SMCHD1: variants seen among roughly 807,000 people sequenced by gnomAD.
SMCHD1 encodes structural maintenance of chromosomes flexible hinge domain containing 1.
Under a neutral mutation model 254.7 loss-of-function variants are expected in SMCHD1, and 78 were observed. The ratio of observed to expected loss-of-function variants is 0.31; its 90% CI spans 0.26 to 0.37. The LOEUF is 0.37. SMCHD1 is among the 10% of genes least tolerant of loss of function. The pLI, the probability that SMCHD1 is intolerant of heterozygous loss-of-function variation, is 1.00. For synonymous variants in SMCHD1, 766 were observed against 794.9 expected, an observed-to-expected ratio of 0.96 and a Z score of 0.61; for missense variants, 1,840 against 2,408.1, an observed-to-expected ratio of 0.76 and a Z score of 4.94.
chr18:2,662,180 A>AGAT (rs1555624074), intron 1 of SMCHD1, among the ~76,000 whole-genome samples: 1 of 89,884 alleles, frequency 1.1e-5, no homozygotes, highest in African/African-American at 6.2e-5. Flanking sequence ...AAAAAAAAAT[A>AGAT]AAATAAATAA....
At chr18:2,775,673 A>G (rs1041623130) in intron 41 of SMCHD1, 61 bp from the exon 42 acceptor site, 3 of 1,449,356 alleles carry the variant, frequency 2.1e-6, no homozygotes, top group South Asian at 1.3e-5. Flanking sequence ...GGCTTTTAAC[A>G]TAATATCAAA....
intron 7 of SMCHD1, among the ~76,000 whole-genome samples, chr18:2,690,276 G>A (rs1293523944): frequency 1.3e-5 from 2 of 152,022 alleles, no homozygotes; most frequent in Admixed American, 6.5e-5. Flanking sequence ...GATACACAAT[G>A]GTTTTTAGTA....
chr18:2,733,992 C>T (rs1893123), intron 25 of SMCHD1, among the ~76,000 whole-genome samples: 88,512 of 152,014 alleles, frequency 0.58, 26,196 homozygotes, highest in East Asian at 0.81. Context: ...AGTTGCTCTT[C>T]CATACCGGTA....
At chr18:2,779,054 T>C (rs925849003) in intron 44 of SMCHD1, 1 of 152,206 alleles carries the variant, frequency 6.6e-6, no homozygotes, top group Non-Finnish European at 1.5e-5. Context: ...TTGACTGGTC[T>C]TGTAAAAAGT....
intron 40 of SMCHD1, 127 bp from the exon 41 acceptor site, chr18:2,772,120 TTAA>T (rs1163437539): frequency 2.9e-6 from 2 of 684,132 alleles, no homozygotes; most frequent in Non-Finnish European, 4.1e-6. Context: ...AGTTTTTTTT[TTAA>T]TAATGCCTAC....
At chr18:2,746,440 T>C (rs2075454363) in intron 29 of SMCHD1, among the ~76,000 whole-genome samples, 1 of 152,200 alleles carries the variant, frequency 6.6e-6, no homozygotes, top group African/African-American at 2.4e-5. Flanking sequence ...TGATTAGGAA[T>C]GAAATACTGT....
intron 9 of SMCHD1, among the ~76,000 whole-genome samples, chr18:2,697,499 C>G (rs1184440019): frequency 1.3e-5 from 2 of 152,186 alleles, no homozygotes; most frequent in African/African-American, 4.8e-5. Context: ...GATTCTCAAT[C>G]CTCTAACCCA....
chr18:2,762,898 A>G (rs546935173), intron 36 of SMCHD1, among the ~76,000 whole-genome samples: 1 of 152,374 alleles, frequency 6.6e-6, no homozygotes, highest in South Asian at 2.1e-4. Context: ...ACTGAAGGAC[A>G]TAAGTATTTT....
intron 5 of SMCHD1, among the ~76,000 whole-genome samples, chr18:2,685,035 TG>T (rs2074011384): frequency 1.3e-5 from 2 of 151,530 alleles, no homozygotes; most frequent in African/African-American, 4.8e-5. Flanking sequence ...TGACATTTCT[TG>T]CTAAACTATA....
intron 40 of SMCHD1, among the ~76,000 whole-genome samples, 189 bp from the exon 41 acceptor site, chr18:2,772,061 C>CA: frequency 6.6e-6 from 1 of 151,658 alleles, no homozygotes; most frequent in African/African-American, 2.4e-5. Flanking sequence ...TTACTATAAC[C>CA]ATGGTTTTTA....
At chr18:2,756,526 T>C (rs1472028382) in intron 34 of SMCHD1, among the ~76,000 whole-genome samples, 1 of 152,222 alleles carries the variant, frequency 6.6e-6, no homozygotes, top group Non-Finnish European at 1.5e-5. Flanking sequence ...TTCAGTTTGT[T>C]CAAATTCAGA....
chr18:2,705,644 C>T (rs759534379), intron 13 of SMCHD1, 50 bp from the exon 14 acceptor site: 6 of 885,056 alleles, frequency 6.8e-6, no homozygotes, highest in African/African-American at 1.7e-5. Flanking sequence ...TTTTTCTCTT[C>T]GTAAATCTTA....
chr18:2,666,127 A>G (rs1483504782), intron 1 of SMCHD1, 30 bp from the exon 2 acceptor site: 1 of 1,009,202 alleles, frequency 9.9e-7, no homozygotes. Context: ...CCTTTGTGTA[A>G]TAAGTGATTT....
Position 2,747,583 on chromosome 18 carries a change from A to T in SMCHD1, c.3863A>T (p.Gln1288Leu), listed in dbSNP as rs1015840561. The part of the protein sequence containing the change: ...QNPIIVQLCD[Q>L]WDNPAPVQHV... The stretch of plus-strand genomic sequence containing the variant: ...CCTATTATTGTTCAACTTTGTGATC[A>T]GTGGGATAATCCAGCACCGGTACAA... The change falls in exon 30 of 48, where the codon CAG becomes CTG. Residue 1288 changes from glutamine to leucine, a missense_variant. This residue lies in a region of SMCHD1 where 881 missense variants were observed against 1,009.5 expected (regional missense o/e 0.87). Transcript: ENST00000320876. 1 of 1,610,398 alleles carries T rather than the reference A, an allele frequency of 6.2e-7. No homozygotes were observed. Among genetic ancestry groups the T allele is most frequent in the African/African-American group, 1.3e-5 (1 of 74,818 alleles).
chr18:2,656,889 A>G (rs1001198270), intron 1 of SMCHD1, among the ~76,000 whole-genome samples: 5 of 152,168 alleles, frequency 3.3e-5, no homozygotes, highest in Non-Finnish European at 7.3e-5. Flanking sequence ...ACCCTTGGGA[A>G]TTTCCAAACC....
chr18:2,709,246 A>ATATATATATATATATATATATATG (rs759808617), intron 17 of SMCHD1, among the ~76,000 whole-genome samples: 2,369 of 107,130 alleles, frequency 0.022, 34 homozygotes, highest in Admixed American at 0.037. Context: ...ATATATATAT[A>ATATATATATATATATATATATATG]TATACACACA....
chr18:2,678,966 G>A (rs1438987207), intron 5 of SMCHD1, among the ~76,000 whole-genome samples: 1 of 150,852 alleles, frequency 6.6e-6, no homozygotes, highest in East Asian at 2.0e-4. Flanking sequence ...TTTTGCCTCA[G>A]CCTCCCAAGT....
chr18:2,684,699 C>CTGTGTGTGTG (rs1568133305), intron 5 of SMCHD1, among the ~76,000 whole-genome samples: 12 of 30,222 alleles, frequency 4.0e-4, no homozygotes, highest in Non-Finnish European at 8.9e-4. Flanking sequence ...ATTGCAGATT[C>CTGTGTGTGTG]AGTGTGTGTG....
chr18:2,698,281 C>G (rs547033042), intron 10 of SMCHD1, among the ~76,000 whole-genome samples: 3 of 152,214 alleles, frequency 2.0e-5, no homozygotes, highest in African/African-American at 7.2e-5. Context: ...CGAAACCAAA[C>G]TTTTAGATAT....
Sources: gnomAD v4.1 joint callset for allele counts (sites outside exome capture counted in the v4.1 genomes callset) on GRCh38, gnomAD v4.1.1 for gene constraint, gnomAD v4.1.1 regional missense constraint, MANE v1.5 for transcripts, NCBI Gene and HGNC (gene_info 2026-07-23, HGNC 2026-07-21) for gene names.